The following EYA4 variants were observed in gnomAD, a reference collection of about 807,000 sequenced individuals.
The protein encoded by EYA4 is protein phosphatase EYA4.
A neutral mutation model predicts 87.9 loss-of-function variants in EYA4; 31 were observed. That is an observed-to-expected ratio of 0.35 (90% CI 0.27 to 0.48). EYA4 has a LOEUF of 0.48. EYA4 is among the 20% of genes least tolerant of loss of function. The probability of loss-of-function intolerance (pLI) is 0.99; values close to 1 mark genes in which losing one functional copy is unlikely to be tolerated. For synonymous variants in EYA4, 263 were observed against 270.6 expected, an observed-to-expected ratio of 0.97 and a Z score of 0.28; for missense variants, 678 against 761.4, an observed-to-expected ratio of 0.89 and a Z score of 1.29.
chr6:133,298,291 T>A (rs1779099672), intron 2 of EYA4, among the ~76,000 whole-genome samples: 1 of 152,204 alleles, frequency 6.6e-6, no homozygotes, highest in Non-Finnish European at 1.5e-5. Flanking sequence ...ATACTTTGTC[T>A]GCTCCAGATC....
intron 3 of EYA4, among the ~76,000 whole-genome samples, chr6:133,430,060 A>G (rs897732763): frequency 6.6e-6 from 1 of 152,016 alleles, no homozygotes; most frequent in African/African-American, 2.4e-5. Flanking sequence ...TATTGTTCCC[A>G]TCTTTATGTC....
At chr6:133,265,100 T>C (rs1006794462) in intron 1 of EYA4, among the ~76,000 whole-genome samples, 1 of 152,136 alleles carries the variant, frequency 6.6e-6, no homozygotes, top group Non-Finnish European at 1.5e-5. Context: ...ATTATGTATT[T>C]AAATGAGAAG....
intron 3 of EYA4, among the ~76,000 whole-genome samples, chr6:133,434,610 CTT>C (rs1445958918): frequency 6.6e-6 from 1 of 152,192 alleles, no homozygotes; most frequent in African/African-American, 2.4e-5. Flanking sequence ...AGTAGAGACT[CTT>C]AACACTGCTC....
intron 13 of EYA4, among the ~76,000 whole-genome samples, chr6:133,494,647 G>C (rs1043669509): frequency 6.8e-6 from 1 of 148,008 alleles, no homozygotes; most frequent in Non-Finnish European, 1.5e-5. Context: ...AGATTAGCCT[G>C]GACAACATAG....
At position 133,446,616 on chromosome 6, in the gene EYA4, T is replaced by TA; in HGVS notation, c.84-13dup. The TA allele has an allele frequency of 6.2e-7, 1 of 1,613,896 alleles. No homozygotes were observed. Among genetic ancestry groups the TA allele is most frequent in the African/African-American group, 1.3e-5 (1 of 75,052 alleles). On this transcript the variant is annotated splice_polypyrimidine_tract_variant and intron_variant, in intron 3 of 19. Transcript: ENST00000355286. ...GCAATTTCAACTTTTCTCTGCTGCTTACTGCTCTACCAGGTCTATGGAAAT... is the reference window on the plus strand; with the variant it reads ...GCAATTTCAACTTTTCTCTGCTGCTTAACTGCTCTACCAGGTCTATGGAAAT...
At chr6:133,391,217 T>TG (rs1483688826) in intron 3 of EYA4, among the ~76,000 whole-genome samples, 6 of 32,430 alleles carry the variant, frequency 1.9e-4, no homozygotes, top group Non-Finnish European at 9.4e-4. Flanking sequence ...TTGGGTTTTG[T>TG]TTTTGTTTTT....
intron 2 of EYA4, among the ~76,000 whole-genome samples, chr6:133,284,314 C>T (rs1409326048): frequency 1.3e-5 from 2 of 152,142 alleles, no homozygotes; most frequent in Non-Finnish European, 2.9e-5. Flanking sequence ...ACTGGGACTA[C>T]AGGTGCACAC....
chr6:133,284,513 G>A (rs1022211470), intron 2 of EYA4, among the ~76,000 whole-genome samples: 1 of 152,206 alleles, frequency 6.6e-6, no homozygotes, highest in Non-Finnish European at 1.5e-5. Flanking sequence ...TAAGATAGCA[G>A]AATGTATGGA....
At chr6:133,400,686 A>G (rs1318230511) in intron 3 of EYA4, among the ~76,000 whole-genome samples, 3 of 149,634 alleles carry the variant, frequency 2.0e-5, no homozygotes, top group African/African-American at 7.3e-5. Context: ...AAGTATAAAA[A>G]TTATTATTGA....
chr6:133,531,163 C>G lies in EYA4; in HGVS notation c.*2358C>G. ...AGAGAAGCCGGCTGGTTGCATCACC[C>G]CGTGCAGTTTCTCACACACATCTCT... On this transcript the variant is annotated 3_prime_UTR_variant, in exon 20 of 20. Coordinates refer to ENST00000355286, the MANE Select transcript of EYA4 (RefSeq NM_004100.5). 3.3e-6 allele frequency: 5 copies of G among 1,534,218 alleles called. No individual in the cohort carries two copies. Among genetic ancestry groups the G allele is most frequent in the Non-Finnish European group, 4.4e-6 (5 of 1,146,268 alleles).
chr6:133,242,270 C>G (rs1774012970), intron 1 of EYA4, among the ~76,000 whole-genome samples: 1 of 152,188 alleles, frequency 6.6e-6, no homozygotes, highest in African/African-American at 2.4e-5. Flanking sequence ...GTGCCGGGTG[C>G]GTGTGTACTT....
Position 133,529,119 on chromosome 6 carries a change from G to A in EYA4, c.*314G>A. The A allele has an allele frequency of 8.3e-7, 1 of 1,197,802 alleles. No homozygotes were observed. Among genetic ancestry groups the A allele is most frequent in the South Asian group, 1.6e-5 (1 of 61,474 alleles). 74.2% of individuals were successfully genotyped at this position (1,197,802 alleles called of 1,614,324 possible). A position where few individuals can be genotyped will look rare whatever the true frequency, so the allele number is the denominator to read the frequency against. ...AGCAAAGAACTCTTACCCTGGCAAA[G>A]CAGCAACACACATGCTCCGTCTGAC... On this transcript the variant is annotated 3_prime_UTR_variant, in exon 20 of 20. Transcript: ENST00000355286.
At chr6:133,331,119 G>A (rs1291878539) in intron 2 of EYA4, among the ~76,000 whole-genome samples, 1 of 140,798 alleles carries the variant, frequency 7.1e-6, no homozygotes, top group African/African-American at 2.7e-5. Context: ...TGAAATTTTA[G>A]GTTTTTAATT....
At chr6:133,282,545 A>AT (rs1287357665) in intron 2 of EYA4, among the ~76,000 whole-genome samples, 1 of 151,850 alleles carries the variant, frequency 6.6e-6, no homozygotes, top group Non-Finnish European at 1.5e-5. Context: ...ATTTGTTAAA[A>AT]TTTTTTCTCA....
At chr6:133,490,589 AC>A (rs1175572405) in intron 13 of EYA4, among the ~76,000 whole-genome samples, 1 of 152,094 alleles carries the variant, frequency 6.6e-6, no homozygotes, top group Non-Finnish European at 1.5e-5. Flanking sequence ...ACAAAAAAAA[AC>A]TATAAAAATT....
intron 17 of EYA4, among the ~76,000 whole-genome samples, chr6:133,522,445 A>T (rs558306582): frequency 6.6e-6 from 1 of 152,196 alleles, no homozygotes; most frequent in South Asian, 2.1e-4. Context: ...TCATGATATA[A>T]ATACATAAAG....
intron 2 of EYA4, among the ~76,000 whole-genome samples, chr6:133,284,990 T>G (rs141922981): frequency 0.053 from 7,984 of 149,242 alleles, 725 homozygotes; most frequent in African/African-American, 0.18. Context: ...GGTTTTTTGT[T>G]TTTTTTTTTG....
At chr6:133,524,713 A>G (rs1800477317) in intron 18 of EYA4, among the ~76,000 whole-genome samples, 1 of 152,218 alleles carries the variant, frequency 6.6e-6, no homozygotes, top group East Asian at 1.9e-4. Flanking sequence ...GAATTAAACA[A>G]AGGTTAAAAC....
intron 3 of EYA4, among the ~76,000 whole-genome samples, chr6:133,398,969 G>T (rs211612): frequency 2.6e-5 from 4 of 152,024 alleles, no homozygotes; most frequent in African/African-American, 9.7e-5. Flanking sequence ...AGTGAATTAA[G>T]TAAGTATAAG....
Sources: gnomAD v4.1 joint callset for allele counts (sites outside exome capture counted in the v4.1 genomes callset) on GRCh38, gnomAD v4.1.1 for gene constraint, MANE v1.5 for transcripts, NCBI Gene and HGNC (gene_info 2026-07-23, HGNC 2026-07-21) for gene names.